Variants in SNTG1 observed in about 807,000 individuals in gnomAD.
SNTG1 encodes the protein syntrophin gamma 1.
Under a neutral mutation model 74.7 loss-of-function variants are expected in SNTG1, and 39 were observed. The ratio of observed to expected loss-of-function variants is 0.52; its 90% CI spans 0.40 to 0.68. The LOEUF (loss-of-function observed/expected upper bound fraction) is 0.68. Among genes scored for constraint, SNTG1 ranks in the 30% least tolerant of loss-of-function variants. The pLI, the probability that SNTG1 is intolerant of heterozygous loss-of-function variation, is 0.00. For synonymous variants in SNTG1, 254 were observed against 217.1 expected, an observed-to-expected ratio of 1.17 and a Z score of -1.49; for missense variants, 685 against 609.5, an observed-to-expected ratio of 1.12 and a Z score of -1.30.
At position 50,549,241 on chromosome 8, in the gene SNTG1, C is replaced by T. The variant is rs142557590; in HGVS notation, c.681-3809C>T. Among the ~76,000 whole-genome samples the T allele has an allele frequency of 3.3e-5, 5 of 150,952 alleles. No homozygotes were observed. In the East Asian group the frequency reaches 9.7e-4, roughly 29 times the overall value. On this transcript the variant is annotated intron_variant, in intron 11 of 18. Coordinates refer to ENST00000642720, the MANE Select transcript of SNTG1 (RefSeq NM_018967.5). ...TTAAAAGAGATGACATGGCAGTGAA[C>T]CAAGGTAGTGCACACAGGGAAGAAA...
chr8:50,766,516 G>A (rs2095614362), intron 18 of SNTG1, among the ~76,000 whole-genome samples: 1 of 151,874 alleles, frequency 6.6e-6, no homozygotes, highest in Admixed American at 6.6e-5. Context: ...GAGTATTTAA[G>A]ATTTCATTAT....
intron 4 of SNTG1, among the ~76,000 whole-genome samples, chr8:50,409,116 G>C (rs879786608): frequency 6.6e-6 from 1 of 152,142 alleles, no homozygotes; most frequent in African/African-American, 2.4e-5. Context: ...TATAGTAGAA[G>C]TCAAGTAGCT....
intron 2 of SNTG1, among the ~76,000 whole-genome samples, chr8:50,299,226 G>T (rs1255795158): frequency 6.6e-6 from 1 of 152,084 alleles, no homozygotes; most frequent in Non-Finnish European, 1.5e-5. Flanking sequence ...GGTTTTGTTG[G>T]TCAACCAGGC....
chr8:50,086,307 G>GT (rs1248374244), intron 1 of SNTG1, among the ~76,000 whole-genome samples: 25 of 152,232 alleles, frequency 1.6e-4, no homozygotes, highest in African/African-American at 6.0e-4. Context: ...GACAACCATG[G>GT]GTACAGAGGA....
intron 2 of SNTG1, among the ~76,000 whole-genome samples, chr8:50,290,981 C>T (rs2089068427): frequency 6.6e-6 from 1 of 152,156 alleles, no homozygotes; most frequent in Admixed American, 6.6e-5. Flanking sequence ...TGGTCTCGAT[C>T]TCCTGAACTC....
chr8:50,141,986 A>G (rs970746805), intron 1 of SNTG1, among the ~76,000 whole-genome samples: 1 of 152,148 alleles, frequency 6.6e-6, no homozygotes, highest in African/African-American at 2.4e-5. Context: ...CAAATTATTT[A>G]TATTGACACC....
chr8:50,173,591 T>C (rs1377485494), intron 2 of SNTG1, among the ~76,000 whole-genome samples: 1 of 152,194 alleles, frequency 6.6e-6, no homozygotes, highest in African/African-American at 2.4e-5. Context: ...TATGTAGCCA[T>C]GCAGATTGCC....
chr8:50,482,069 C>A (rs1178781856), intron 8 of SNTG1, among the ~76,000 whole-genome samples: 1 of 152,180 alleles, frequency 6.6e-6, no homozygotes, highest in Non-Finnish European at 1.5e-5. Flanking sequence ...GTCCAGTGAT[C>A]TGACAAATTG....
chr8:50,513,415 C>G (rs890067571), intron 9 of SNTG1, among the ~76,000 whole-genome samples: 1 of 152,226 alleles, frequency 6.6e-6, no homozygotes, highest in Non-Finnish European at 1.5e-5. Flanking sequence ...CAGCTGTGTG[C>G]TTGGAGAACC....
At chr8:50,580,835 A>C (rs2130817415) in intron 12 of SNTG1, among the ~76,000 whole-genome samples, 1 of 152,304 alleles carries the variant, frequency 6.6e-6, no homozygotes, top group South Asian at 2.1e-4. Flanking sequence ...ATGGACTAAT[A>C]GAGTGGGCCT....
chr8:49,910,328 A>C, upstream of SNTG1, among the ~76,000 whole-genome samples: 1 of 147,032 alleles, frequency 6.8e-6, no homozygotes, highest in Non-Finnish European at 1.5e-5. Context: ...AGCGCCCCTC[A>C]CCAGTCTTTC....
intron 1 of SNTG1, among the ~76,000 whole-genome samples, chr8:49,982,193 G>A (rs905990629): frequency 2.6e-5 from 4 of 152,046 alleles, no homozygotes; most frequent in Non-Finnish European, 5.9e-5. Flanking sequence ...TACTCAGTGA[G>A]TATGTCAGAT....
rs76531123 is a variant in SNTG1 at position 50,130,669 on chromosome 8, A to G, written c.-102-41892A>G. On this transcript the variant is annotated intron_variant, in intron 1 of 18. Coordinates refer to ENST00000642720, the MANE Select transcript of SNTG1 (RefSeq NM_018967.5). ...TGAAATTTGCGTTAAAAGATGCTCA[A>G]TAAATGCATTTCTGAAAGAGGTACT... 2.1e-3 allele frequency among the ~76,000 whole-genome samples: 314 copies of G among 152,264 alleles called. 6 individuals carry two copies. In the East Asian group the frequency reaches 0.054, roughly 26 times the overall value.
intron 1 of SNTG1, among the ~76,000 whole-genome samples, chr8:49,978,617 T>C (rs1023428087): frequency 6.6e-6 from 1 of 152,166 alleles, no homozygotes; most frequent in Non-Finnish European, 1.5e-5. Context: ...GGCCCATGTT[T>C]CATTTAATAG....
intron 15 of SNTG1, among the ~76,000 whole-genome samples, chr8:50,660,822 A>G (rs374344563): frequency 3.3e-4 from 51 of 152,252 alleles, no homozygotes; most frequent in African/African-American, 1.2e-3. Context: ...TACAAACAAT[A>G]TGTTCTATCT....
chr8:50,614,639 TG>T (rs1245990141), intron 13 of SNTG1, among the ~76,000 whole-genome samples: 1 of 152,126 alleles, frequency 6.6e-6, no homozygotes, highest in Non-Finnish European at 1.5e-5. Flanking sequence ...CACAGAAGCA[TG>T]AGTAAATTTT....
At chr8:50,544,170 G>A (rs921989905) in intron 11 of SNTG1, among the ~76,000 whole-genome samples, 16 of 151,342 alleles carry the variant, frequency 1.1e-4, no homozygotes, top group Admixed American at 3.3e-4. Context: ...TCATATATTC[G>A]TGTTTTTGTT....
chr8:49,920,271 T>A (rs1806415170), intron 1 of SNTG1, among the ~76,000 whole-genome samples: 4 of 152,052 alleles, frequency 2.6e-5, no homozygotes, highest in Admixed American at 1.3e-4. Context: ...TCTCACATTC[T>A]ATGTGTTATA....
chr8:50,526,917 C>T (rs566085403), intron 9 of SNTG1, among the ~76,000 whole-genome samples: 16 of 152,076 alleles, frequency 1.1e-4, no homozygotes, highest in Admixed American at 5.9e-4. Context: ...GCACCGCGCC[C>T]GGCCCGAAGT....
Sources: allele counts gnomAD v4.1 joint callset (sites outside exome capture counted in the v4.1 genomes callset), GRCh38; gene constraint gnomAD v4.1.1; transcripts MANE v1.5; gene names NCBI Gene and HGNC (gene_info 2026-07-23, HGNC 2026-07-21).